Variants in CNTNAP5 observed in about 807,000 individuals in gnomAD.
CNTNAP5 encodes contactin-associated protein-like 5.
A neutral mutation model predicts 150.2 loss-of-function variants in CNTNAP5; 72 were observed. That is an observed-to-expected ratio of 0.48 (90% confidence interval 0.40 to 0.58). The LOEUF (loss-of-function observed/expected upper bound fraction) is 0.58, where lower values mean the gene tolerates loss of function less well. CNTNAP5 is among the 20% of genes least tolerant of loss of function. The pLI is 0.00. For missense variants in CNTNAP5, 1,636 were observed against 1,626.2 expected, an observed-to-expected ratio of 1.01 and a Z score of -0.10; for synonymous variants, 672 against 619.8, an observed-to-expected ratio of 1.08 and a Z score of -1.25.
At chr2:124,124,652 G>T (rs1415887288) in intron 1 of CNTNAP5, among the ~76,000 whole-genome samples, 1 of 152,138 alleles carries the variant, frequency 6.6e-6, no homozygotes, top group Non-Finnish European at 1.5e-5. Context: ...AATCTTAAGG[G>T]CAGCCAGAGA....
In CNTNAP5 at chr2:124,442,272, G is replaced by C. The variant is rs977472132; in HGVS notation, c.734-4481G>C. ...CATTGAGATGGTGGTGATGATGGTG[G>C]CAGTGGATGCAAGAAGGGTACAGTG... On this transcript the variant is annotated intron_variant, in intron 5 of 23. Coordinates refer to ENST00000682447, the MANE Select transcript of CNTNAP5 (RefSeq NM_001367498.1). Among the ~76,000 whole-genome samples the C allele has an allele frequency of 6.6e-5, 10 of 152,178 alleles. No homozygotes were observed. In the East Asian group the frequency reaches 1.7e-3, roughly 26 times the overall value.
intron 11 of CNTNAP5, among the ~76,000 whole-genome samples, chr2:124,570,078 G>A (rs898489547): frequency 6.6e-6 from 1 of 152,150 alleles, no homozygotes; most frequent in Non-Finnish European, 1.5e-5. Context: ...TGCTCTTAGT[G>A]GAAATTCCAT....
At chr2:124,322,158 TAATAATAAAATAAAATAAAATAA>T in intron 3 of CNTNAP5, among the ~76,000 whole-genome samples, 1 of 139,496 alleles carries the variant, frequency 7.2e-6, no homozygotes, top group Non-Finnish European at 1.5e-5. Flanking sequence ...TCCAAAATAA[TAATAATAAAATAAAATAAAATAA>T]AATAAAATAA....
At chr2:124,734,144 C>G (rs182375213) in intron 13 of CNTNAP5, among the ~76,000 whole-genome samples, 18 of 152,130 alleles carry the variant, frequency 1.2e-4, no homozygotes, top group Admixed American at 9.8e-4. Flanking sequence ...GATAAAATAT[C>G]TATGACAAAG....
chr2:124,688,366 ATAT>A (rs1405029358), intron 13 of CNTNAP5, among the ~76,000 whole-genome samples: 1 of 151,946 alleles, frequency 6.6e-6, no homozygotes, highest in Non-Finnish European at 1.5e-5. Flanking sequence ...TATCTATGAG[ATAT>A]TATTTGCTGG....
At chr2:124,643,629 A>T (rs2105023071) in intron 12 of CNTNAP5, among the ~76,000 whole-genome samples, 1 of 152,334 alleles carries the variant, frequency 6.6e-6, no homozygotes, top group South Asian at 2.1e-4. Flanking sequence ...ATGAAGTCCA[A>T]GCCCTCACTC....
intron 1 of CNTNAP5, among the ~76,000 whole-genome samples, chr2:124,064,717 A>G (rs376718190): frequency 1.3e-5 from 2 of 152,230 alleles, no homozygotes; most frequent in African/African-American, 4.8e-5. Flanking sequence ...TCAGTGTTCC[A>G]CCACCCTCCC....
At chr2:124,043,746 C>T (rs1315005281) in intron 1 of CNTNAP5, among the ~76,000 whole-genome samples, 3 of 152,058 alleles carry the variant, frequency 2.0e-5, no homozygotes, top group South Asian at 2.1e-4. Context: ...CAACATAAAC[C>T]TCAAAGTCTA....
At chr2:124,200,301 G>GA (rs1685695737) in intron 1 of CNTNAP5, among the ~76,000 whole-genome samples, 1 of 151,962 alleles carries the variant, frequency 6.6e-6, no homozygotes, top group Non-Finnish European at 1.5e-5. Context: ...GAATATTGCT[G>GA]AATTCTCTTT....
At chr2:124,369,971 C>G (rs1386130937) in intron 3 of CNTNAP5, among the ~76,000 whole-genome samples, 1 of 152,094 alleles carries the variant, frequency 6.6e-6, no homozygotes, top group East Asian at 1.9e-4. Context: ...CATAACAATA[C>G]TTGGTAAGGT....
intron 3 of CNTNAP5, among the ~76,000 whole-genome samples, chr2:124,297,000 T>TATCA (rs1361634376): frequency 2.6e-5 from 4 of 152,300 alleles, no homozygotes; most frequent in Non-Finnish European, 4.4e-5. Flanking sequence ...CTCCTTTGTC[T>TATCA]ATCACTATCC....
rs749412887 is a variant in CNTNAP5, at chr2:124,833,671, A to G, written c.3218-31635A>G. On this transcript the variant is annotated intron_variant, in intron 19 of 23. Coordinates refer to ENST00000682447, the MANE Select transcript of CNTNAP5 (RefSeq NM_001367498.1). ...TGGTGAGGGTTCAGTACTTCAGTAC[A>G]TGCAAAAATCACATCAAACTTGCTC... Among the ~76,000 whole-genome samples the G allele has an allele frequency of 9.2e-5, 14 of 152,310 alleles. No homozygotes were observed. The South Asian group carries it at 1.4e-3, about 16-fold the overall frequency.
chr2:124,117,821 C>T (rs1043164545), intron 1 of CNTNAP5, among the ~76,000 whole-genome samples: 3 of 152,162 alleles, frequency 2.0e-5, no homozygotes, highest in Non-Finnish European at 4.4e-5. Context: ...CTGTGCCTCA[C>T]TCTCAGAGTT....
At chr2:124,756,284 T>C (rs1380965762) in intron 14 of CNTNAP5, among the ~76,000 whole-genome samples, 1 of 152,224 alleles carries the variant, frequency 6.6e-6, no homozygotes, top group African/African-American at 2.4e-5. Context: ...AGAGAGGTTG[T>C]GGAGAAATAG....
intron 14 of CNTNAP5, among the ~76,000 whole-genome samples, chr2:124,759,431 T>TAA (rs1680911429): frequency 6.8e-6 from 1 of 147,360 alleles, no homozygotes; most frequent in Admixed American, 6.8e-5. Flanking sequence ...TATATATATA[T>TAA]AATGGCACCA....
At chr2:124,701,242 T>G (rs2105090062) in intron 13 of CNTNAP5, among the ~76,000 whole-genome samples, 1 of 152,282 alleles carries the variant, frequency 6.6e-6, no homozygotes, top group East Asian at 1.9e-4. Flanking sequence ...AATTATTATT[T>G]TTTAGGATCT....
intron 19 of CNTNAP5, among the ~76,000 whole-genome samples, chr2:124,818,053 T>G (rs1481480032): frequency 1.3e-5 from 2 of 152,186 alleles, no homozygotes; most frequent in African/African-American, 4.8e-5. Flanking sequence ...TAAACTCATA[T>G]AAAGCACTGG....
At chr2:124,911,626 C>A in intron 23 of CNTNAP5, 88 bp downstream of exon 23, 4 of 1,018,146 alleles carry the variant, frequency 3.9e-6, no homozygotes, top group Non-Finnish European at 6.0e-6. Context: ...TTAATTATGG[C>A]CATCCAGCAC....
intron 1 of CNTNAP5, among the ~76,000 whole-genome samples, chr2:124,216,034 A>T (rs1185350193): frequency 6.6e-6 from 1 of 152,136 alleles, no homozygotes; most frequent in Non-Finnish European, 1.5e-5. Context: ...ACCCTTATAT[A>T]TAAAGTGAAA....
Sources: allele counts gnomAD v4.1 joint callset (sites outside exome capture counted in the v4.1 genomes callset), GRCh38; gene constraint gnomAD v4.1.1; transcripts MANE v1.5; gene names NCBI Gene and HGNC (gene_info 2026-07-23, HGNC 2026-07-21).